The following REEP3 variants were observed in gnomAD, a reference collection of about 807,000 sequenced individuals.
REEP3 encodes receptor accessory protein 3.
Under a neutral mutation model 41.3 loss-of-function variants are expected in REEP3, and 20 were observed. The observed-to-expected ratio is 0.48, with a 90% confidence interval of 0.34 to 0.70. REEP3 has a LOEUF of 0.70. REEP3 is among the 30% of genes least tolerant of loss of function. The pLI is 0.01. For synonymous variants in REEP3, 104 were observed against 101.8 expected, an observed-to-expected ratio of 1.02 and a Z score of -0.13; for missense variants, 271 against 308.8, an observed-to-expected ratio of 0.88 and a Z score of 0.92.
At chr10:63,521,703 T>G in intron 1 of REEP3, 126 bp downstream of exon 1, 1 of 572,660 alleles carries the variant, frequency 1.7e-6, no homozygotes, top group Non-Finnish European at 2.6e-6. Flanking sequence ...GCCTCGGGCC[T>G]GCCGAGGGTC....
At chr10:63,591,926 T>C (rs539738203) in intron 2 of REEP3, among the ~76,000 whole-genome samples, 281 of 152,338 alleles carry the variant, frequency 1.8e-3, no homozygotes, top group Admixed American at 3.7e-3. Flanking sequence ...GTTATCCCCT[T>C]GGAAGATCAC....
rs141660877 is a variant in REEP3 at position 63,607,833 on chromosome 10, G to T, written c.418-2354G>T. Among the ~76,000 whole-genome samples the T allele has an allele frequency of 1.1e-3, 169 of 152,284 alleles. 1 individual carries two copies. The East Asian group carries it at 0.014, about 13-fold the overall frequency. On this transcript the variant is annotated intron_variant, in intron 5 of 7. Coordinates refer to ENST00000373758, the MANE Select transcript of REEP3 (RefSeq NM_001001330.3). ...TTGTGAGGTATATCCCAAGAGATTT[G>T]TTGATTATGCTTGTTAAACATACCA...
chr10:63,533,874 T>C (rs1333900598), intron 1 of REEP3, among the ~76,000 whole-genome samples: 1 of 151,674 alleles, frequency 6.6e-6, no homozygotes, highest in African/African-American at 2.4e-5. Context: ...TGCCAGCTAA[T>C]TTTTGGTATT....
chr10:63,559,199 A>G (rs917487803), intron 1 of REEP3, among the ~76,000 whole-genome samples: 2 of 152,214 alleles, frequency 1.3e-5, no homozygotes, highest in African/African-American at 4.8e-5. Context: ...TGTAATCTAA[A>G]GAAAATTTCA....
intron 2 of REEP3, among the ~76,000 whole-genome samples, chr10:63,568,055 C>T (rs1955816295): frequency 6.6e-6 from 1 of 152,024 alleles, no homozygotes; most frequent in Non-Finnish European, 1.5e-5. Flanking sequence ...AGAGATGGAA[C>T]CATATTAAGT....
chr10:63,594,667 T>A, intron 2 of REEP3, 111 bp from the exon 3 acceptor site: 1 of 725,822 alleles, frequency 1.4e-6, no homozygotes, highest in Non-Finnish European at 2.4e-6. Context: ...CAGAAATACA[T>A]ACATAATATG....
intron 1 of REEP3, among the ~76,000 whole-genome samples, chr10:63,551,877 A>G (rs1955631749): frequency 6.6e-6 from 1 of 152,194 alleles, no homozygotes; most frequent in South Asian, 2.1e-4. Flanking sequence ...TTAGTTTCTT[A>G]ATTGTGGCAA....
intron 1 of REEP3, among the ~76,000 whole-genome samples, chr10:63,564,173 A>G (rs927342365): frequency 1.3e-5 from 2 of 152,252 alleles, no homozygotes; most frequent in African/African-American, 2.4e-5. Context: ...GGTATGTAGT[A>G]TATGGGAACT....
chr10:63,582,642 A>G (rs1589875745), intron 2 of REEP3, among the ~76,000 whole-genome samples: 1 of 152,354 alleles, frequency 6.6e-6, no homozygotes, highest in East Asian at 1.9e-4. Flanking sequence ...GAGTAAGGCT[A>G]TTGAGTAGGA....
chr10:63,565,583 A>T (rs1955790534), intron 1 of REEP3, among the ~76,000 whole-genome samples: 1 of 152,228 alleles, frequency 6.6e-6, no homozygotes, highest in Admixed American at 6.5e-5. Flanking sequence ...GATTCTAACT[A>T]GTGGAGTGAA....
chr10:63,524,775 T>G (rs1294183404), intron 1 of REEP3, among the ~76,000 whole-genome samples: 1 of 152,178 alleles, frequency 6.6e-6, no homozygotes, highest in African/African-American at 2.4e-5. Context: ...TGCGTGGTCT[T>G]GGGCAGCATG....
intron 1 of REEP3, among the ~76,000 whole-genome samples, chr10:63,528,627 G>A (rs1955389000): frequency 6.6e-6 from 1 of 152,106 alleles, no homozygotes; most frequent in South Asian, 2.1e-4. Flanking sequence ...GGAAAGCCAG[G>A]TCCTTATGAT....
chr10:63,618,468 T>G (rs1956329506), intron 6 of REEP3, among the ~76,000 whole-genome samples: 2 of 151,444 alleles, frequency 1.3e-5, no homozygotes. Flanking sequence ...AGGATGGTCT[T>G]GATCTCCTGA....
chr10:63,574,875 T>TTTTTG (rs1955884442), intron 2 of REEP3, among the ~76,000 whole-genome samples: 1 of 91,402 alleles, frequency 1.1e-5, no homozygotes, highest in African/African-American at 3.1e-5. Flanking sequence ...TTTTTTTTTT[T>TTTTTG]GAGACAGAGT....
At chr10:63,541,394 A>G (rs1301399099) in intron 1 of REEP3, among the ~76,000 whole-genome samples, 2 of 152,220 alleles carry the variant, frequency 1.3e-5, no homozygotes, top group Admixed American at 6.5e-5. Flanking sequence ...TAGATTTTCC[A>G]TAGAACCCTA....
intron 2 of REEP3, among the ~76,000 whole-genome samples, chr10:63,576,491 G>A (rs915682375): frequency 1.6e-4 from 25 of 152,158 alleles, no homozygotes; most frequent in Admixed American, 8.5e-4. Context: ...CATAGGACTC[G>A]CCCCTCATGT....
At chr10:63,524,973 C>G (rs1343598657) in intron 1 of REEP3, among the ~76,000 whole-genome samples, 1 of 150,148 alleles carries the variant, frequency 6.7e-6, no homozygotes, top group Admixed American at 6.6e-5. Flanking sequence ...GATCGTGCCA[C>G]TGCACTCCAG....
At chr10:63,558,981 A>G (rs530944370) in intron 1 of REEP3, among the ~76,000 whole-genome samples, 80 of 152,176 alleles carry the variant, frequency 5.3e-4, no homozygotes, top group African/African-American at 1.9e-3. Flanking sequence ...CCTTAGTCTA[A>G]TAGTACACTG....
At position 63,610,386 on chromosome 10, in the gene REEP3, G is replaced by GA. The variant is rs1956268519; in HGVS notation, c.565+54dup. On this transcript the variant is annotated intron_variant, in intron 6 of 7. Coordinates refer to ENST00000373758, the MANE Select transcript of REEP3 (RefSeq NM_001001330.3). ...TTCTTTTACATGGAAACAGGGAGGG[G>GA]AACAACATACACTGGGGCCTGTCGG... The GA allele has an allele frequency of 2.6e-6, 4 of 1,514,818 alleles. No homozygotes were observed. In the East Asian group the frequency reaches 9.9e-5, roughly 38 times the overall value. The allele number at this position is 1,514,818 out of a possible 1,614,324, so 93.8% of individuals were successfully genotyped here. A position where few individuals can be genotyped will look rare whatever the true frequency, so the allele number is the denominator to read the frequency against.
Sources: allele counts gnomAD v4.1 joint callset (sites outside exome capture counted in the v4.1 genomes callset), GRCh38; gene constraint gnomAD v4.1.1; transcripts MANE v1.5; gene names NCBI Gene and HGNC (gene_info 2026-07-23, HGNC 2026-07-21).